MLLT3: variants seen among roughly 807,000 people sequenced by gnomAD.
MLLT3 encodes the protein protein AF-9.
Under a neutral mutation model 53.2 loss-of-function variants are expected in MLLT3, and 4 were observed. The ratio of observed to expected loss-of-function variants is 0.08; its 90% confidence interval spans 0.04 to 0.17. The LOEUF (loss-of-function observed/expected upper bound fraction) is 0.17. MLLT3 is among the 10% of genes least tolerant of loss of function. The pLI, the probability that MLLT3 is intolerant of heterozygous loss-of-function variation, is 1.00. For synonymous variants in MLLT3, 283 were observed against 230.6 expected (o/e 1.23, Z -2.06); for missense variants, 569 against 684.0 (o/e 0.83, Z 1.87).
At chr9:20,495,637 C>G (rs750258168) in intron 2 of MLLT3, among the ~76,000 whole-genome samples, 5 of 152,110 alleles carry the variant, frequency 3.3e-5, no homozygotes, top group African/African-American at 1.2e-4. Flanking sequence ...TAATAACATA[C>G]TGAAAATAGG....
intron 2 of MLLT3, among the ~76,000 whole-genome samples, chr9:20,528,571 G>A (rs1055757975): frequency 1.3e-5 from 2 of 152,224 alleles, no homozygotes; most frequent in Admixed American, 6.5e-5. Flanking sequence ...GGGAGAATCT[G>A]TTCTTTGCCT....
At chr9:20,457,040 C>T (rs577254829) in intron 2 of MLLT3, among the ~76,000 whole-genome samples, 5 of 152,078 alleles carry the variant, frequency 3.3e-5, no homozygotes, top group African/African-American at 1.2e-4. Flanking sequence ...CACAGTCAAC[C>T]ATGATTATTA....
intron 5 of MLLT3, among the ~76,000 whole-genome samples, chr9:20,379,951 G>C (rs1404205401): frequency 6.6e-6 from 1 of 152,048 alleles, no homozygotes; most frequent in Non-Finnish European, 1.5e-5. Context: ...CTGGATTCAA[G>C]AAGAATCTCT....
In MLLT3 at chr9:20,622,402, C is replaced by A; in HGVS notation, c.-146G>T. ...GATGGCGGACATTCTCTGCCTTTTTCCCCCCGCGCTCGCTTGCTCGCTCGC... is the reference window on the plus strand; with the variant it reads ...GATGGCGGACATTCTCTGCCTTTTTACCCCCGCGCTCGCTTGCTCGCTCGC... On this transcript the variant is annotated 5_prime_UTR_variant, in exon 1 of 11. Coordinates refer to ENST00000380338, the MANE Select transcript of MLLT3 (RefSeq NM_004529.4). 1.4e-6 allele frequency: 1 copy of A among 732,732 alleles called. No individual in the cohort carries two copies. 45.4% of individuals were successfully genotyped at this position (732,732 alleles called of 1,614,324 possible). A position where few individuals can be genotyped will look rare whatever the true frequency, so the allele number is the denominator to read the frequency against.
intron 5 of MLLT3, among the ~76,000 whole-genome samples, chr9:20,370,523 T>C (rs929851893): frequency 6.6e-6 from 1 of 152,050 alleles, no homozygotes; most frequent in Non-Finnish European, 1.5e-5. Context: ...AATCTTTTTT[T>C]TTTTGAGACA....
intron 2 of MLLT3, among the ~76,000 whole-genome samples, chr9:20,538,588 C>T (rs1409279374): frequency 2.6e-5 from 4 of 152,060 alleles, no homozygotes; most frequent in African/African-American, 4.8e-5. Context: ...TCCAAACATG[C>T]TTGAGATAAA....
intron 4 of MLLT3, among the ~76,000 whole-genome samples, chr9:20,416,014 T>G (rs1312382971): frequency 5.9e-5 from 9 of 151,970 alleles, no homozygotes; most frequent in Non-Finnish European, 1.2e-4. Flanking sequence ...TGCACTAAAT[T>G]AGATAATTCC....
At position 20,534,497 on chromosome 9, in the gene MLLT3, T is replaced by A. The variant is rs373448947; in HGVS notation, c.194-77711A>T. On this transcript the variant is annotated intron_variant, in intron 2 of 10. Transcript: ENST00000380338. ...TTCTGAACTTTAGTAGCATTCCCCT[T>A]CATTTTTCACTCTGCTTTGTCCTCC... Among the ~76,000 whole-genome samples the A allele has an allele frequency of 3.9e-5, 6 of 152,336 alleles. No individual in the cohort carries two copies. The South Asian group carries it at 1.2e-3, about 32-fold the overall frequency.
intron 2 of MLLT3, among the ~76,000 whole-genome samples, chr9:20,590,822 A>T (rs1820109328): frequency 6.6e-6 from 1 of 152,006 alleles, no homozygotes; most frequent in Non-Finnish European, 1.5e-5. Flanking sequence ...TGCAGCCTCG[A>T]ATTCCTGGGC....
chr9:20,523,640 T>C (rs900628851), intron 2 of MLLT3, among the ~76,000 whole-genome samples: 1 of 152,132 alleles, frequency 6.6e-6, no homozygotes, highest in Non-Finnish European at 1.5e-5. Context: ...TCCAACTATA[T>C]GACATTTAGG....
At position 20,620,193 on chromosome 9, in the gene MLLT3, T is replaced by C. The variant is rs151198655; in HGVS notation, c.193+461A>G. On this transcript the variant is annotated intron_variant, in intron 2 of 10. Coordinates refer to ENST00000380338, the MANE Select transcript of MLLT3 (RefSeq NM_004529.4). The surrounding 1 kb of genome is among the most constrained non-coding windows in gnomAD (Gnocchi z 6.1). Reference sequence around the variant, plus strand: ...GAACCGACTTGCCAAGACCGAACAATAACTACATCCAATACATTCTTTGCT... The same window carrying C: ...GAACCGACTTGCCAAGACCGAACAACAACTACATCCAATACATTCTTTGCT... 0.017 allele frequency among the ~76,000 whole-genome samples: 2,499 copies of C among 151,084 alleles called. 60 individuals carry two copies. The highest frequency in any genetic ancestry group is 0.056 in the African/African-American group (2,319 of 41,084).
At chr9:20,616,974 T>C (rs746484952) in intron 2 of MLLT3, among the ~76,000 whole-genome samples, 12 of 152,194 alleles carry the variant, frequency 7.9e-5, no homozygotes, top group Non-Finnish European at 1.6e-4. Context: ...CCGATTTACA[T>C]TCTCACCCAC....
intron 2 of MLLT3, among the ~76,000 whole-genome samples, chr9:20,503,844 C>T (rs1285382273): frequency 1.3e-5 from 2 of 152,034 alleles, no homozygotes; most frequent in Admixed American, 6.5e-5. Context: ...GGAACTCAAA[C>T]AACTCAATAG....
chr9:20,471,141 T>C (rs1350790961), intron 2 of MLLT3, among the ~76,000 whole-genome samples: 1 of 152,118 alleles, frequency 6.6e-6, no homozygotes, highest in Non-Finnish European at 1.5e-5. Flanking sequence ...AGTGAGTTAA[T>C]TCCTAGCATT....
At chr9:20,525,141 A>C (rs891470900) in intron 2 of MLLT3, among the ~76,000 whole-genome samples, 1 of 151,922 alleles carries the variant, frequency 6.6e-6, no homozygotes, top group African/African-American at 2.4e-5. Flanking sequence ...AAAAAAAAAA[A>C]AAAAACAGAG....
chr9:20,576,521 T>C (rs748681054), intron 2 of MLLT3, among the ~76,000 whole-genome samples: 47 of 152,204 alleles, frequency 3.1e-4, no homozygotes, highest in African/African-American at 1.0e-3. Context: ...AATTTCAATA[T>C]TGTTGTGCCA....
At chr9:20,579,225 T>C (rs1280191532) in intron 2 of MLLT3, among the ~76,000 whole-genome samples, 1 of 151,812 alleles carries the variant, frequency 6.6e-6, no homozygotes, top group East Asian at 1.9e-4. Flanking sequence ...AATTAAAATT[T>C]AAAATTAGCT....
intron 2 of MLLT3, among the ~76,000 whole-genome samples, chr9:20,487,578 G>C (rs1206533940): frequency 1.3e-5 from 2 of 152,102 alleles, no homozygotes; most frequent in African/African-American, 4.8e-5. Context: ...CAACAAGAAA[G>C]ATGGCCATTT....
chr9:20,390,879 G>A (rs1035978995), intron 5 of MLLT3, among the ~76,000 whole-genome samples: 1 of 152,216 alleles, frequency 6.6e-6, no homozygotes, highest in Non-Finnish European at 1.5e-5. Context: ...TCGGGAGGCG[G>A]AAGTGAAAAT....
Sources: gnomAD v4.1 joint callset for allele counts (sites outside exome capture counted in the v4.1 genomes callset) on GRCh38, gnomAD v4.1.1 for gene constraint, Gnocchi (gnomAD v3.1) non-coding constraint, MANE v1.5 for transcripts, NCBI Gene and HGNC (gene_info 2026-07-23, HGNC 2026-07-21) for gene names.